ZNF385D: variants seen among roughly 807,000 people sequenced by gnomAD.
ZNF385D encodes zinc finger protein 659.
In ZNF385D, 15 loss-of-function variants were observed where a neutral mutation model predicts 35.8. The observed-to-expected ratio is 0.42, with a 90% CI of 0.28 to 0.64. The LOEUF is 0.64. ZNF385D is among the 30% of genes least tolerant of loss of function. The pLI, the probability that ZNF385D is intolerant of heterozygous loss-of-function variation, is 0.23. For synonymous variants in ZNF385D, 212 were observed against 186.8 expected, an observed-to-expected ratio of 1.13 and a Z score of -1.10; for missense variants, 474 against 494.6, an observed-to-expected ratio of 0.96 and a Z score of 0.39.
At position 21,877,509 on chromosome 3, in the gene ZNF385D, C is replaced by A. The variant is rs566601114; in HGVS notation, c.326-212481G>T. On this transcript the variant is annotated intron_variant, in intron 3 of 5. Coordinates refer to the ZNF385D transcript ENST00000494108. The stretch of plus-strand genomic sequence containing the variant: ...TTAAAGTTAATTAATTTAACCTGAC[C>A]TTTCCATATAAATATAAGGCACAAT... Among the ~76,000 whole-genome samples, 8 of 152,160 alleles carry A rather than the reference C, an allele frequency of 5.3e-5. No individual in the cohort carries two copies. In the South Asian group the frequency reaches 1.7e-3, roughly 32 times the overall value.
intron 4 of ZNF385D, among the ~76,000 whole-genome samples, chr3:21,442,082 C>T (rs3849538): frequency 0.27 from 41,439 of 152,032 alleles, 6,352 homozygotes; most frequent in Middle Eastern, 0.42. Flanking sequence ...CATTTGTGAC[C>T]TTCGTCTTGT....
At position 21,757,190 on chromosome 3, in the gene ZNF385D, G is replaced by C. The variant is rs570976015; in HGVS notation, c.326-92162C>G. Reference sequence around the variant, plus strand: ...TCTCACCCAGGCCCCAGGCTGGAGTGGCGCAATCTCAGCTCACCACAACCT... The same window carrying C: ...TCTCACCCAGGCCCCAGGCTGGAGTCGCGCAATCTCAGCTCACCACAACCT... On this transcript the variant is annotated intron_variant, in intron 3 of 5. Transcript: ENST00000494108. 5.7e-5 allele frequency among the ~76,000 whole-genome samples: 8 copies of C among 139,630 alleles called. No homozygotes were observed. In the Admixed American group the frequency reaches 6.4e-4, roughly 11 times the overall value. The allele number at this position is 139,630 out of a possible 152,430, so 91.6% of individuals were successfully genotyped here.
intron 3 of ZNF385D, among the ~76,000 whole-genome samples, chr3:21,808,681 A>G (rs1307864312): frequency 6.6e-6 from 1 of 152,232 alleles, no homozygotes; most frequent in East Asian, 1.9e-4. Context: ...TCTTTTCCCA[A>G]CTAGAGAGTA....
At chr3:21,492,995 T>C (rs1270709751) in intron 4 of ZNF385D, among the ~76,000 whole-genome samples, 1 of 152,008 alleles carries the variant, frequency 6.6e-6, no homozygotes, top group East Asian at 1.9e-4. Flanking sequence ...AGTTATTAGG[T>C]TAGTTTTTTA....
intron 3 of ZNF385D, among the ~76,000 whole-genome samples, chr3:22,088,672 C>G (rs763233060): frequency 3.3e-5 from 5 of 152,012 alleles, no homozygotes; most frequent in Non-Finnish European, 5.9e-5. Flanking sequence ...CATACATAAG[C>G]TGCAGTGGTA....
intron 4 of ZNF385D, among the ~76,000 whole-genome samples, chr3:21,479,688 T>G (rs1277807873): frequency 6.6e-6 from 1 of 152,196 alleles, no homozygotes; most frequent in East Asian, 1.9e-4. Flanking sequence ...AGAACTTAAT[T>G]TGTAATGAAA....
chr3:22,064,727 C>T (rs548859695), intron 3 of ZNF385D, among the ~76,000 whole-genome samples: 1 of 152,046 alleles, frequency 6.6e-6, no homozygotes, highest in African/African-American at 2.4e-5. Flanking sequence ...ATACATGGAA[C>T]CTGAAAAAGT....
intron 3 of ZNF385D, among the ~76,000 whole-genome samples, chr3:21,934,505 T>G (rs370429026): frequency 6.6e-6 from 1 of 152,320 alleles, no homozygotes; most frequent in South Asian, 2.1e-4. Flanking sequence ...ATTCACTGTG[T>G]AAAGATCTTG....
At chr3:21,469,812 A>G (rs369861025) in intron 4 of ZNF385D, among the ~76,000 whole-genome samples, 16 of 152,190 alleles carry the variant, frequency 1.1e-4, no homozygotes, top group African/African-American at 3.9e-4. Flanking sequence ...AAACAGCTAA[A>G]CAAAAAAGGC....
chr3:22,206,561 GAA>G (rs1202855143), intron 2 of ZNF385D, among the ~76,000 whole-genome samples: 3 of 151,678 alleles, frequency 2.0e-5, no homozygotes, highest in African/African-American at 2.4e-5. Context: ...AGAAAAAAAA[GAA>G]AGAATTTCAA....
chr3:22,220,905 A>T (rs1698214241), intron 2 of ZNF385D, among the ~76,000 whole-genome samples: 1 of 152,162 alleles, frequency 6.6e-6, no homozygotes, highest in Non-Finnish European at 1.5e-5. Flanking sequence ...TTCCCTAAAG[A>T]CTTTACCTGA....
chr3:22,035,027 A>G (rs896384196), intron 3 of ZNF385D, among the ~76,000 whole-genome samples: 2 of 152,226 alleles, frequency 1.3e-5, no homozygotes, highest in Admixed American at 1.3e-4. Context: ...ATTTGTACAT[A>G]AAGTCAACAT....
At position 21,537,219 on chromosome 3, in the gene ZNF385D, G is replaced by A. The variant is rs112812597; in HGVS notation, c.277-26196C>T. 5.0e-3 allele frequency among the ~76,000 whole-genome samples: 672 copies of A among 134,530 alleles called. 3 individuals are homozygous for A. Among genetic ancestry groups the A allele is most frequent in the African/African-American group, 0.017 (628 of 36,184 alleles). The allele number at this position is 134,530 out of a possible 152,430, so 88.3% of individuals were successfully genotyped here. Reference sequence around the variant, plus strand: ...GTGATCTCAGCTCACTGCAACCTCCGCCTCCTGGGTCCAAGCGATTCTCCT... The same window carrying A: ...GTGATCTCAGCTCACTGCAACCTCCACCTCCTGGGTCCAAGCGATTCTCCT... On this transcript the variant is annotated intron_variant, in intron 3 of 7. Coordinates refer to ENST00000281523, the MANE Select transcript of ZNF385D (RefSeq NM_024697.3).
chr3:21,488,839 G>A (rs1371855720), intron 4 of ZNF385D, among the ~76,000 whole-genome samples: 1 of 152,098 alleles, frequency 6.6e-6, no homozygotes, highest in Non-Finnish European at 1.5e-5. Flanking sequence ...CTCTCTGGAA[G>A]GAAAGTTTCA....
chr3:21,470,256 T>A (rs900854748), intron 4 of ZNF385D, among the ~76,000 whole-genome samples: 2 of 152,126 alleles, frequency 1.3e-5, no homozygotes, highest in African/African-American at 4.8e-5. Context: ...ATGAACAACC[T>A]TTTCGTTTAA....
intron 3 of ZNF385D, among the ~76,000 whole-genome samples, chr3:21,767,530 C>T (rs1032582404): frequency 1.3e-5 from 2 of 152,034 alleles, no homozygotes; most frequent in Non-Finnish European, 2.9e-5. Flanking sequence ...TAGACTAAGA[C>T]TCCTGAAGAC....
intron 3 of ZNF385D, among the ~76,000 whole-genome samples, chr3:21,788,532 C>A (rs1000731736): frequency 6.6e-6 from 1 of 152,192 alleles, no homozygotes; most frequent in Admixed American, 6.5e-5. Context: ...ATTTTGTTCT[C>A]ATTTTCAGTG....
rs182514342 is a variant in ZNF385D, at chr3:22,078,750, G to C, written c.325+90067C>G. Among the ~76,000 whole-genome samples, 723 of 152,102 alleles carry C rather than the reference G, an allele frequency of 4.8e-3. 11 individuals carry two copies. The highest frequency in any genetic ancestry group is 0.016 in the African/African-American group (658 of 41,528). On this transcript the variant is annotated intron_variant, in intron 3 of 5. Transcript: ENST00000494108. ...GTATTGGCAAGTTGCAGAAGTAAAT[G>C]TCATAAATTTGAAAAAGGACTTTGA...
intron 3 of ZNF385D, among the ~76,000 whole-genome samples, chr3:22,043,461 G>A (rs568167336): frequency 6.6e-6 from 1 of 152,170 alleles, no homozygotes; most frequent in African/African-American, 2.4e-5. Context: ...ACAAAGGAAA[G>A]TATAATTATC....
Sources: gnomAD v4.1 joint callset for allele counts (sites outside exome capture counted in the v4.1 genomes callset) on GRCh38, gnomAD v4.1.1 for gene constraint, MANE v1.5 for transcripts, NCBI Gene and HGNC (gene_info 2026-07-23, HGNC 2026-07-21) for gene names.